AMN1: variants seen among roughly 807,000 people sequenced by gnomAD.
AMN1 encodes protein AMN1 homolog.
In AMN1, 20 loss-of-function variants were observed where a neutral mutation model predicts 33.0. That is an observed-to-expected ratio of 0.61 (90% confidence interval 0.43 to 0.88). AMN1 has a LOEUF of 0.88. Among genes scored for constraint, AMN1 ranks in the 40% least tolerant of loss-of-function variants. The pLI, the probability that AMN1 is intolerant of heterozygous loss-of-function variation, is 0.00. For synonymous variants in AMN1, 114 were observed against 111.9 expected, an observed-to-expected ratio of 1.02 and a Z score of -0.12; for missense variants, 246 against 307.4, an observed-to-expected ratio of 0.80 and a Z score of 1.49.
chr12:31,719,366 G>A, intron 1 of AMN1: 1 of 978,826 alleles, frequency 1.0e-6, no homozygotes, highest in African/African-American at 1.7e-5. Context: ...ACTAGGATCA[G>A]AAAAGCAAAT....
At position 31,702,018 on chromosome 12, in the gene AMN1, T is replaced by C; in HGVS notation, c.172-11A>G. On this transcript the variant is annotated splice_polypyrimidine_tract_variant and intron_variant, in intron 2 of 6. Transcript: ENST00000281471. ...TTCAGGATGTAAAATCTATAACAAA[T>C]AAGTGATTTTGAAAAAATTATTTCT... 6.4e-7 allele frequency: 1 copy of C among 1,569,542 alleles called. No homozygotes were observed. Among genetic ancestry groups the C allele is most frequent in the Non-Finnish European group, 8.6e-7 (1 of 1,163,564 alleles).
intron 1 of AMN1, among the ~76,000 whole-genome samples, chr12:31,718,307 GT>G (rs1365860988): frequency 6.6e-6 from 1 of 151,956 alleles, no homozygotes; most frequent in Non-Finnish European, 1.5e-5. Flanking sequence ...CTAGTTAGCA[GT>G]TCCTGTAACC....
At chr12:31,689,835 G>A (rs1938426408) in intron 5 of AMN1, among the ~76,000 whole-genome samples, 1 of 152,154 alleles carries the variant, frequency 6.6e-6, no homozygotes, top group Non-Finnish European at 1.5e-5. Context: ...GTGGTCATTT[G>A]TGAGATTTTG....
chr12:31,696,941 T>C (rs962832212), intron 5 of AMN1, among the ~76,000 whole-genome samples: 1 of 151,988 alleles, frequency 6.6e-6, no homozygotes, highest in African/African-American at 2.4e-5. Flanking sequence ...AAAAACTTTT[T>C]TAAATGATCG....
At chr12:31,685,875 G>A (rs1325032396) in intron 6 of AMN1, among the ~76,000 whole-genome samples, 2 of 148,128 alleles carry the variant, frequency 1.4e-5, no homozygotes, top group Non-Finnish European at 1.5e-5. Flanking sequence ...TTTTGGAAAC[G>A]GAGTTTCACT....
At chr12:31,712,333 T>C (rs1189508455) in intron 1 of AMN1, among the ~76,000 whole-genome samples, 1 of 152,192 alleles carries the variant, frequency 6.6e-6, no homozygotes, top group African/African-American at 2.4e-5. Flanking sequence ...CTGCAACCTC[T>C]GCCACCCAGG....
At chr12:31,715,958 G>A (rs144193383) in intron 1 of AMN1, among the ~76,000 whole-genome samples, 1 of 152,172 alleles carries the variant, frequency 6.6e-6, no homozygotes, top group Non-Finnish European at 1.5e-5. Flanking sequence ...TACATGACAG[G>A]TTTCCTTTTT....
chr12:31,675,072 C>T lies in AMN1; in HGVS notation c.704-2695G>A, dbSNP rs570314181. ...TTGACAAAAACCAATGCTCATTCAA[C>T]CAACTAGGAATAGAAGATAACTTCC... On this transcript the variant is annotated intron_variant, in intron 6 of 6. Transcript: ENST00000281471. Among the ~76,000 whole-genome samples the T allele has an allele frequency of 6.5e-4, 97 of 148,364 alleles. 1 individual carries two copies. Among genetic ancestry groups the T allele is most frequent in the African/African-American group, 2.4e-3 (94 of 38,488 alleles).
At position 31,722,985 on chromosome 12, in the gene AMN1, T is replaced by C. The variant is rs181426688; in HGVS notation, c.38+5986A>G. On this transcript the variant is annotated intron_variant, in intron 1 of 6. Transcript: ENST00000281471. The stretch of plus-strand genomic sequence containing the variant: ...CAGGCTGGCCAAGCTGGTGAGACCC[T>C]GTCTCTACTAAAAATACAAAAAATT... Among the ~76,000 whole-genome samples, 6 of 152,262 alleles carry C rather than the reference T, an allele frequency of 3.9e-5. No homozygotes were observed. In the East Asian group the frequency reaches 9.7e-4, roughly 25 times the overall value.
intron 6 of AMN1, among the ~76,000 whole-genome samples, chr12:31,688,493 A>T (rs1266463860): frequency 6.6e-6 from 1 of 152,106 alleles, no homozygotes; most frequent in East Asian, 1.9e-4. Context: ...AGCTCTTACT[A>T]TGTGCAAGGC....
At chr12:31,714,167 A>G (rs895718171) in intron 1 of AMN1, among the ~76,000 whole-genome samples, 3 of 152,126 alleles carry the variant, frequency 2.0e-5, no homozygotes, top group Admixed American at 6.6e-5. Context: ...AAAATTTTCC[A>G]ATTCTCAAAT....
intron 6 of AMN1, among the ~76,000 whole-genome samples, chr12:31,677,030 G>A (rs1032277179): frequency 2.2e-4 from 33 of 151,678 alleles, no homozygotes; most frequent in Non-Finnish European, 1.5e-5. Context: ...CGGGCGCGGC[G>A]GCTCACACCT....
chr12:31,705,460 C>T (rs1939191422), intron 2 of AMN1, among the ~76,000 whole-genome samples: 1 of 152,006 alleles, frequency 6.6e-6, no homozygotes, highest in African/African-American at 2.4e-5. Flanking sequence ...ATTATGCACT[C>T]TACCCTGGGT....
intron 6 of AMN1, among the ~76,000 whole-genome samples, chr12:31,688,727 C>T (rs978849324): frequency 9.2e-5 from 14 of 152,148 alleles, no homozygotes; most frequent in Non-Finnish European, 2.1e-4. Flanking sequence ...AGGAGAATTG[C>T]TTTAACCCAG....
chr12:31,717,722 A>G (rs932399954), intron 1 of AMN1, among the ~76,000 whole-genome samples: 7 of 151,232 alleles, frequency 4.6e-5, no homozygotes, highest in Non-Finnish European at 5.9e-5. Flanking sequence ...TTTTAATTTT[A>G]CTTTAAGTTC....
chr12:31,695,835 A>G (rs1938699742), intron 5 of AMN1, among the ~76,000 whole-genome samples: 1 of 152,136 alleles, frequency 6.6e-6, no homozygotes, highest in African/African-American at 2.4e-5. Context: ...ATATGCTACC[A>G]AGACCCAGAT....
chr12:31,705,373 C>T (rs1939184615), intron 2 of AMN1, among the ~76,000 whole-genome samples: 1 of 152,010 alleles, frequency 6.6e-6, no homozygotes, highest in Non-Finnish European at 1.5e-5. Context: ...TAGTGGGTGC[C>T]TGTAGTCCTA....
intron 6 of AMN1, among the ~76,000 whole-genome samples, chr12:31,681,121 CTT>C (rs1218113647): frequency 2.6e-5 from 4 of 152,014 alleles, no homozygotes; most frequent in African/African-American, 9.7e-5. Context: ...GCTTTTTTCT[CTT>C]TAGTTTATTA....
chr12:31,707,517 C>A (rs1939292092), intron 2 of AMN1, among the ~76,000 whole-genome samples: 2 of 152,172 alleles, frequency 1.3e-5, no homozygotes, highest in Admixed American at 1.3e-4. Flanking sequence ...GATGACTGAA[C>A]TTTTTCCAAA....
Sources: gnomAD v4.1 joint callset for allele counts (sites outside exome capture counted in the v4.1 genomes callset) on GRCh38, gnomAD v4.1.1 for gene constraint, MANE v1.5 for transcripts, NCBI Gene and HGNC (gene_info 2026-07-23, HGNC 2026-07-21) for gene names.